THOC1: variants seen among roughly 807,000 people sequenced by gnomAD.
The protein encoded by THOC1 is THO complex 1.
THOC1 carries 29 observed loss-of-function variants against 97.3 expected under a neutral mutation model. The ratio of observed to expected loss-of-function variants is 0.30; its 90% CI spans 0.22 to 0.41. THOC1 has a LOEUF of 0.41. THOC1 is among the 10% of genes least tolerant of loss of function. The pLI, the probability that THOC1 is intolerant of heterozygous loss-of-function variation, is 1.00. For synonymous variants in THOC1, 255 were observed against 257.0 expected, an observed-to-expected ratio of 0.99 and a Z score of 0.07; for missense variants, 529 against 761.9, an observed-to-expected ratio of 0.69 and a Z score of 3.60.
chr18:214,671 A>T lies in THOC1; in HGVS notation c.1929T>A (p.Ser643Arg). The T allele has an allele frequency of 5.6e-6, 9 of 1,613,916 alleles. No homozygotes were observed. Among genetic ancestry groups the T allele is most frequent in the Non-Finnish European group, 7.6e-6 (9 of 1,179,836 alleles). Residue 643 changes from serine (S) to arginine (R), a missense_variant, in exon 21 of 21, where the codon AGT becomes AGA. Ser to Arg is a moderately radical substitution (Grantham distance 110, BLOSUM62 -1). This residue lies in a region of THOC1 where 98 missense variants were observed against 111.9 expected (regional missense o/e 0.88). Transcript: ENST00000261600. ...CATTAGTTAGACTTTCTGCAAGGTC[A>T]CTTAATCCAGACTTATTCAGTGCAT... ...LINALNKSGL[S>R]DLAESLTNDN...
At chr18:215,400 T>C in intron 20 of THOC1, 29 bp downstream of exon 20, 1 of 1,584,360 alleles carries the variant, frequency 6.3e-7, no homozygotes. Context: ...TTCAATTTTG[T>C]TAAATAACCA....
At chr18:224,233 T>C (rs1555605038) in intron 15 of THOC1, 54 bp from the exon 16 acceptor site, 2 of 1,266,966 alleles carry the variant, frequency 1.6e-6, no homozygotes, top group Admixed American at 2.1e-5. Flanking sequence ...ATAACAGAAA[T>C]AGAAGAATGT....
chr18:228,825 C>A (rs1049459731), intron 11 of THOC1, among the ~76,000 whole-genome samples: 2 of 152,198 alleles, frequency 1.3e-5, no homozygotes, highest in African/African-American at 4.8e-5. Flanking sequence ...CAGAAGGCAC[C>A]ACTGGTATGT....
chr18:252,076 T>C (rs1912296142), intron 9 of THOC1, among the ~76,000 whole-genome samples: 1 of 152,218 alleles, frequency 6.6e-6, no homozygotes, highest in Admixed American at 6.5e-5. Flanking sequence ...TTCTAGAACC[T>C]ATCTATGCCA....
intron 17 of THOC1, among the ~76,000 whole-genome samples, chr18:221,881 T>G (rs1027505777): frequency 1.3e-5 from 2 of 152,162 alleles, no homozygotes; most frequent in Non-Finnish European, 2.9e-5. Flanking sequence ...GTGCTGGGAT[T>G]ACAGGTATGA....
chr18:259,118 A>C, intron 7 of THOC1, 62 bp downstream of exon 7: 1 of 1,222,240 alleles, frequency 8.2e-7, no homozygotes, highest in South Asian at 1.3e-5. Flanking sequence ...GACAGATTTT[A>C]ATCTATTAAA....
Position 215,988 on chromosome 18 carries a change from TTG to T in THOC1, c.1603-486_1603-485del, listed in dbSNP as rs1430785738. 3.9e-5 allele frequency among the ~76,000 whole-genome samples: 6 copies of T among 152,288 alleles called. No homozygotes were observed. In the East Asian group the frequency reaches 9.7e-4, roughly 25 times the overall value. Reference sequence around the variant, plus strand: ...TTAATTTTTTGAGACGGAGTCTTGCTTGGTTGCCAGGCTGGAGTGCAGTGGCG... The same window carrying T: ...TTAATTTTTTGAGACGGAGTCTTGCTGTTGCCAGGCTGGAGTGCAGTGGCG... On this transcript the variant is annotated intron_variant, in intron 19 of 20. Coordinates refer to ENST00000261600, the MANE Select transcript of THOC1 (RefSeq NM_005131.3).
intron 16 of THOC1, 83 bp from the exon 17 acceptor site, chr18:223,588 A>C: frequency 2.7e-6 from 3 of 1,091,092 alleles, no homozygotes; most frequent in Non-Finnish European, 2.6e-6. Flanking sequence ...AAACAATACA[A>C]TGTAAACAGT....
intron 18 of THOC1, among the ~76,000 whole-genome samples, chr18:218,220 G>A (rs1910959926): frequency 6.6e-6 from 1 of 152,214 alleles, no homozygotes; most frequent in Non-Finnish European, 1.5e-5. Flanking sequence ...AACAGATGAG[G>A]AAAGGGAACT....
chr18:263,809 G>C (rs1912680472), intron 4 of THOC1: 1 of 431,010 alleles, frequency 2.3e-6, no homozygotes, highest in Non-Finnish European at 4.2e-6. Context: ...AAAACAACTG[G>C]AGAACAAAGG....
intron 4 of THOC1, among the ~76,000 whole-genome samples, chr18:262,288 T>C (rs1489843130): frequency 6.6e-6 from 1 of 152,228 alleles, no homozygotes; most frequent in Non-Finnish European, 1.5e-5. Context: ...TTTTTAAGGT[T>C]AGGCATTTTT....
At chr18:224,251 A>C in intron 15 of THOC1, 72 bp from the exon 16 acceptor site, 2 of 1,184,868 alleles carry the variant, frequency 1.7e-6, no homozygotes, top group South Asian at 1.3e-5. Context: ...TGTTTAACGT[A>C]AAAGAAAATT....
Position 254,394 on chromosome 18 carries a change from G to A in THOC1, c.521-39C>T. On this transcript the variant is annotated intron_variant, in intron 7 of 20. Transcript: ENST00000261600. This position sits in a 1 kb window ranked among gnomAD's most constrained non-coding sequence, Gnocchi z 4.1. ...AAAAAAAAGATGCAAAGCAAGTCCA[G>A]TGACACCTAAACTTATGTATAACTT... 7.9e-7 allele frequency: 1 copy of A among 1,266,802 alleles called. No homozygotes were observed. Among genetic ancestry groups the A allele is most frequent in the Non-Finnish European group, 1.1e-6 (1 of 893,360 alleles). The allele number at this position is 1,266,802 out of a possible 1,614,324, so 78.5% of individuals were successfully genotyped here.
At chr18:251,088 C>G (rs1912264007) in intron 9 of THOC1, among the ~76,000 whole-genome samples, 2 of 152,164 alleles carry the variant, frequency 1.3e-5, no homozygotes, top group Admixed American at 6.5e-5. Context: ...TACATATAAA[C>G]AATTAGTGCC....
chr18:223,555 A>C, intron 16 of THOC1, 50 bp from the exon 17 acceptor site: 114 of 1,403,184 alleles, frequency 8.1e-5, no homozygotes, highest in Non-Finnish European at 1.1e-4. Context: ...CACCATCCTC[A>C]TGTGCCTTGA....
intron 17 of THOC1, among the ~76,000 whole-genome samples, chr18:220,307 G>A: frequency 6.6e-6 from 1 of 152,154 alleles, no homozygotes; most frequent in Non-Finnish European, 1.5e-5. Flanking sequence ...ATATATGCAA[G>A]TATATGTACA....
chr18:264,202 T>C, intron 3 of THOC1, 110 bp from the exon 4 acceptor site: 1 of 698,972 alleles, frequency 1.4e-6, no homozygotes, highest in Non-Finnish European at 2.4e-6. Context: ...AAATATGGAA[T>C]ACAATATTTC....
chr18:248,820 A>G (rs1454316134), intron 9 of THOC1, among the ~76,000 whole-genome samples: 2 of 152,032 alleles, frequency 1.3e-5, no homozygotes, highest in East Asian at 1.9e-4. Context: ...GTGCGATCTC[A>G]GCTCACTGCA....
At position 225,108 on chromosome 18, in the gene THOC1, C is replaced by T. The variant is rs756362305; in HGVS notation, c.1118G>A (p.Arg373Lys). The change falls in exon 14 of 21, where the codon AGA becomes AAA. Residue 373 changes from arginine to lysine, a missense_variant. By Grantham distance (26) the Arg-to-Lys change is conservative. This residue lies in a region of THOC1 where 123 missense variants were observed against 159.0 expected (regional missense o/e 0.77). Coordinates refer to ENST00000261600, the MANE Select transcript of THOC1 (RefSeq NM_005131.3). Reference protein sequence around the residue: ...LLSENPPDGERFSKMVEHILN... With the variant: ...LLSENPPDGEKFSKMVEHILN... ...ACATACCTCTACCATCTTTGAAAAT[C>T]TTTCTCCATCGGGGGGGTTTTCAGA... is the stretch of plus-strand genomic sequence containing the variant. 1.9e-6 allele frequency: 3 copies of T among 1,577,154 alleles called. No individual in the cohort carries two copies. Among genetic ancestry groups the T allele is most frequent in the Admixed American group, 3.6e-5 (2 of 54,910 alleles).
Sources: allele counts gnomAD v4.1 joint callset (sites outside exome capture counted in the v4.1 genomes callset), GRCh38; gene constraint gnomAD v4.1.1; regional missense constraint gnomAD v4.1.1; non-coding constraint Gnocchi (gnomAD v3.1); transcripts MANE v1.5; gene names NCBI Gene and HGNC (gene_info 2026-07-23, HGNC 2026-07-21).